Variants in MTUS2 observed in about 807,000 individuals in gnomAD.
MTUS2 encodes microtubule associated scaffold protein 2.
A neutral mutation model predicts 114.1 loss-of-function variants in MTUS2; 40 were observed. That is an observed-to-expected ratio of 0.35 (90% CI 0.27 to 0.46). MTUS2 has a LOEUF of 0.46. Among genes scored for constraint, MTUS2 ranks in the 20% least tolerant of loss-of-function variants. The probability of loss-of-function intolerance (pLI) is 1.00; values close to 1 mark genes in which losing one functional copy is unlikely to be tolerated. For synonymous variants in MTUS2, 688 were observed against 672.0 expected (o/e 1.02, Z -0.37); for missense variants, 1,679 against 1,705.4 (o/e 0.98, Z 0.27).
intron 6 of MTUS2, among the ~76,000 whole-genome samples, chr13:29,322,164 A>G (rs1301302216): frequency 2.6e-5 from 4 of 152,246 alleles, no homozygotes; most frequent in African/African-American, 7.2e-5. Flanking sequence ...TGAATGGAAA[A>G]CACTGAAAGG....
intron 4 of MTUS2, among the ~76,000 whole-genome samples, chr13:29,039,367 G>A (rs11841551): frequency 0.037 from 5,707 of 152,304 alleles, 338 homozygotes; most frequent in African/African-American, 0.13. Context: ...GAATCAGGAC[G>A]CCAGAAACTG....
Position 29,324,644 on chromosome 13 carries a change from T to A in MTUS2, c.2838T>A (p.Asp946Glu). ...AGAAAGATGCTCAGAAAGATCAAGA[T>A]ACGAATAAACCTGCTGTTTCATCTC... ...GTKKDAQKDQ[D>E]TNKPAVSSPK... Residue 946 changes from aspartate to glutamate, a missense_variant, in exon 7 of 16, where the codon GAT (aspartate) becomes GAA (glutamate). Coordinates refer to ENST00000612955, the MANE Select transcript of MTUS2 (RefSeq NM_001033602.4). 6.3e-7 allele frequency: 1 copy of A among 1,594,376 alleles called. No individual in the cohort carries two copies. Among genetic ancestry groups the A allele is most frequent in the Non-Finnish European group, 8.5e-7 (1 of 1,169,914 alleles).
intron 8 of MTUS2, among the ~76,000 whole-genome samples, chr13:29,419,970 T>G (rs913951647): frequency 8.5e-5 from 13 of 152,236 alleles, no homozygotes; most frequent in Non-Finnish European, 1.6e-4. Context: ...ATTTTGCATC[T>G]TCCCATAAAC....
intron 2 of MTUS2, among the ~76,000 whole-genome samples, chr13:29,000,380 G>A (rs988232266): frequency 2.0e-5 from 3 of 151,600 alleles, no homozygotes; most frequent in Middle Eastern, 3.4e-3. Flanking sequence ...CTTTTTTATT[G>A]AGTTGGAGTT....
chr13:28,899,657 G>A (rs193136456), intron 2 of MTUS2, among the ~76,000 whole-genome samples: 21 of 152,084 alleles, frequency 1.4e-4, no homozygotes, highest in Middle Eastern at 3.4e-3. Flanking sequence ...TGATCTGCCC[G>A]TCTCGGCCTC....
Position 29,488,071 on chromosome 13 carries a change from G to A in MTUS2, c.3505+66G>A, listed in dbSNP as rs902149888. The A allele has an allele frequency of 3.3e-6, 4 of 1,209,756 alleles. No individual in the cohort carries two copies. The South Asian group carries it at 4.8e-5, about 15-fold the overall frequency. 74.9% of individuals were successfully genotyped at this position (1,209,756 alleles called of 1,614,324 possible). Reference sequence around the variant, plus strand: ...TGCAATCCGAGCCTTTCCTGCTGCAGATGTGTGGAGCCCCCCTTCCTCTCT... The same window carrying A: ...TGCAATCCGAGCCTTTCCTGCTGCAAATGTGTGGAGCCCCCCTTCCTCTCT... On this transcript the variant is annotated intron_variant, in intron 11 of 15. Coordinates refer to ENST00000612955, the MANE Select transcript of MTUS2 (RefSeq NM_001033602.4).
At chr13:29,125,031 A>G (rs995540084) in intron 5 of MTUS2, among the ~76,000 whole-genome samples, 7 of 152,384 alleles carry the variant, frequency 4.6e-5, no homozygotes, top group African/African-American at 1.7e-4. Context: ...TTGCACAACA[A>G]TGTAAATGTA....
chr13:28,996,495 C>T (rs200271247), intron 2 of MTUS2, among the ~76,000 whole-genome samples: 1,565 of 152,248 alleles, frequency 0.01, 19 homozygotes, highest in East Asian at 0.052. Context: ...CCTTGTACCT[C>T]TGGTAGAATT....
At chr13:29,182,997 G>A (rs188801960) in intron 5 of MTUS2, among the ~76,000 whole-genome samples, 1 of 152,174 alleles carries the variant, frequency 6.6e-6, no homozygotes, top group South Asian at 2.1e-4. Flanking sequence ...GGGACCCACC[G>A]AAGGCCCTTT....
chr13:28,840,449 G>A (rs779936880), intron 2 of MTUS2, among the ~76,000 whole-genome samples: 1 of 152,216 alleles, frequency 6.6e-6, no homozygotes, highest in Non-Finnish European at 1.5e-5. Context: ...GCACCCCTCT[G>A]TAAGACATTC....
intron 5 of MTUS2, among the ~76,000 whole-genome samples, chr13:29,251,279 A>G (rs1897113730): frequency 8.9e-6 from 1 of 112,734 alleles, no homozygotes; most frequent in African/African-American, 3.3e-5. Flanking sequence ...CTTACCTGTG[A>G]AAATGGGATG....
intron 2 of MTUS2, among the ~76,000 whole-genome samples, chr13:28,870,512 A>G (rs1427345709): frequency 6.6e-6 from 1 of 152,148 alleles, no homozygotes. Context: ...ATCTCCTTAC[A>G]TTGACTGCCC....
At chr13:29,350,383 C>T (rs1869127606) in intron 7 of MTUS2, among the ~76,000 whole-genome samples, 1 of 151,046 alleles carries the variant, frequency 6.6e-6, no homozygotes, top group Non-Finnish European at 1.5e-5. Context: ...CAGGGACCAC[C>T]TTCAGCTCAT....
chr13:29,324,200 T>C (rs1200162450), intron 6 of MTUS2, among the ~76,000 whole-genome samples: 2 of 152,214 alleles, frequency 1.3e-5, no homozygotes, highest in East Asian at 3.9e-4. Flanking sequence ...CCGAAGTCAT[T>C]AGCAGCTATG....
At chr13:29,036,447 A>G (rs897904825) in intron 4 of MTUS2, among the ~76,000 whole-genome samples, 4 of 152,212 alleles carry the variant, frequency 2.6e-5, no homozygotes, top group African/African-American at 9.6e-5. Flanking sequence ...TCAATTTTAG[A>G]GTAAGTGTGA....
chr13:29,036,426 C>T lies in MTUS2; in HGVS notation c.2446+2301C>T, dbSNP rs116481421. Among the ~76,000 whole-genome samples, 245 of 152,296 alleles carry T rather than the reference C, an allele frequency of 1.6e-3. 2 individuals carry two copies. Among genetic ancestry groups the T allele is most frequent in the African/African-American group, 5.7e-3 (236 of 41,568 alleles). On this transcript the variant is annotated intron_variant, in intron 4 of 15. Transcript: ENST00000612955. ...GATTTGTTTACATCTAACCTCCTTA[C>T]AATTATGTGGTCAATTTTAGAGTAA...
chr13:28,938,077 A>T (rs1320217386), intron 2 of MTUS2, among the ~76,000 whole-genome samples: 1 of 152,192 alleles, frequency 6.6e-6, no homozygotes, highest in Non-Finnish European at 1.5e-5. Flanking sequence ...ATTGTTAAAC[A>T]TCGCTGACTT....
chr13:28,924,275 G>C (rs961321095), intron 2 of MTUS2, among the ~76,000 whole-genome samples: 6 of 152,270 alleles, frequency 3.9e-5, no homozygotes, highest in Middle Eastern at 3.4e-3. Context: ...TTTATTTCCA[G>C]GGTTTATAGT....
chr13:29,441,268 G>A (rs948147752), intron 9 of MTUS2, among the ~76,000 whole-genome samples: 2 of 152,084 alleles, frequency 1.3e-5, no homozygotes, highest in African/African-American at 4.8e-5. Context: ...GGAAAGGCAG[G>A]GTGTGAGGAA....
Sources: allele counts gnomAD v4.1 joint callset (sites outside exome capture counted in the v4.1 genomes callset), GRCh38; gene constraint gnomAD v4.1.1; transcripts MANE v1.5; gene names NCBI Gene and HGNC (gene_info 2026-07-23, HGNC 2026-07-21).